ADAP1: variants seen among roughly 807,000 people sequenced by gnomAD.
The protein encoded by ADAP1 is ArfGAP with dual PH domains 1.
A neutral mutation model predicts 54.9 loss-of-function variants in ADAP1; 31 were observed. The ratio of observed to expected loss-of-function variants is 0.56; its 90% CI spans 0.42 to 0.76. ADAP1 has a LOEUF of 0.76. ADAP1 is among the 30% of genes least tolerant of loss of function. ADAP1 has a pLI of 0.00. For synonymous variants in ADAP1, 313 were observed against 202.6 expected (o/e 1.55, Z -4.63); for missense variants, 535 against 512.4 (o/e 1.04, Z -0.42).
rs138473076 is a variant in ADAP1, at chr7:906,537, A to G, written c.389-1365T>C. Among the ~76,000 whole-genome samples, 5 of 32,390 alleles carry G rather than the reference A, an allele frequency of 1.5e-4. 1 individual carries two copies. The highest frequency in any genetic ancestry group is 3.0e-4 in the Admixed American group (1 of 3,312). 21.2% of individuals were successfully genotyped at this position (32,390 alleles called of 152,430 possible). A position where few individuals can be genotyped will look rare whatever the true frequency, so the allele number is the denominator to read the frequency against. ...GAGAAAGGAGAAAGGGAAAGGAGAA[A>G]GGAGAAGGGAGAAAGGGAGAAAGGG... On this transcript the variant is annotated intron_variant, in intron 4 of 10. Transcript: ENST00000265846.
At chr7:924,669 G>A (rs1334604730) in intron 3 of ADAP1, among the ~76,000 whole-genome samples, 3 of 150,708 alleles carry the variant, frequency 2.0e-5, no homozygotes, top group Non-Finnish European at 3.0e-5. Flanking sequence ...GATAGTGGGT[G>A]TCAGCCCTGG....
At chr7:906,892 A>T (rs1845485194) in intron 4 of ADAP1, among the ~76,000 whole-genome samples, 1 of 151,664 alleles carries the variant, frequency 6.6e-6, no homozygotes, top group South Asian at 2.1e-4. Flanking sequence ...ACCCTGGCCC[A>T]AGCCAGCCTG....
At chr7:904,744 G>T (rs1845010935) in intron 5 of ADAP1, among the ~76,000 whole-genome samples, 1 of 152,244 alleles carries the variant, frequency 6.6e-6, no homozygotes. Flanking sequence ...GAAAACTAGG[G>T]GCTTTCTGGG....
In ADAP1 at chr7:926,647, G is replaced by GC; in HGVS notation, c.214-4dup. 1 of 1,541,602 alleles carries GC rather than the reference G, an allele frequency of 6.5e-7. No individual in the cohort carries two copies. The highest frequency in any genetic ancestry group is 2.5e-5 in the East Asian group (1 of 39,900). On this transcript the variant is annotated splice_polypyrimidine_tract_variant and splice_region_variant and intron_variant, in intron 2 of 10. Coordinates refer to ENST00000265846, the MANE Select transcript of ADAP1 (RefSeq NM_006869.4). The surrounding 1 kb of genome is among the most constrained non-coding windows in gnomAD (Gnocchi z 4.6). ...TCGTTCCCGTGGGAGGCCATGAACT[G>GC]CAAGAGAGGAGGGGCCGGGTCAGAG...
chr7:914,348 G>A (rs936903352), intron 4 of ADAP1, among the ~76,000 whole-genome samples: 7 of 152,226 alleles, frequency 4.6e-5, no homozygotes, highest in African/African-American at 7.2e-5. Flanking sequence ...GTGAGGTGTC[G>A]CCACTGCCGT....
chr7:929,514 C>CAAAAAA (rs71020548), intron 2 of ADAP1, among the ~76,000 whole-genome samples: 1 of 89,388 alleles, frequency 1.1e-5, no homozygotes, highest in African/African-American at 4.8e-5. Flanking sequence ...CACCCTGTCT[C>CAAAAAA]AAAAAAAAAA....
In ADAP1 at chr7:946,325, C is replaced by T. The variant is rs1847138083; in HGVS notation, c.82+8071G>A. On this transcript the variant is annotated intron_variant, in intron 1 of 10. Transcript: ENST00000265846. The surrounding 1 kb of genome is among the most constrained non-coding windows in gnomAD (Gnocchi z 4.3). ...TGGGTGGGCTGGCAGCCCACACCTC[C>T]TCTCTGCCCAGGCCCCAGGCCCCCA... Among the ~76,000 whole-genome samples, 1 of 152,130 alleles carries T rather than the reference C, an allele frequency of 6.6e-6. No individual in the cohort carries two copies.
chr7:913,966 G>A (rs1015342091), intron 4 of ADAP1, among the ~76,000 whole-genome samples: 3 of 152,190 alleles, frequency 2.0e-5, no homozygotes, highest in Admixed American at 6.5e-5. Flanking sequence ...AAAGCCCGGT[G>A]GTGATCCTTC....
At chr7:954,737 C>T (rs1583195411), upstream of ADAP1, 7 of 978,676 alleles carry the variant, frequency 7.2e-6, no homozygotes, top group Non-Finnish European at 8.5e-6. Context: ...CCGCGGGCGG[C>T]CCCCAGCGGT....
intron 3 of ADAP1, among the ~76,000 whole-genome samples, chr7:923,904 G>A (rs1160747003): frequency 6.6e-6 from 1 of 152,194 alleles, no homozygotes; most frequent in Non-Finnish European, 1.5e-5. Flanking sequence ...CTTGGTGGGG[G>A]CAGACGTGGG....
In ADAP1 at chr7:899,036, C is replaced by T. The variant is rs762149014; in HGVS notation, c.1093G>A (p.Ala365Thr). The stretch of plus-strand genomic sequence containing the variant: ...GCCGGCCGCCCGCCCCCCTCACCTG[C>T]GTACTCCTGGGGCAGCATGGGCCTG... ...VDRPMLPQEY[A>T]VEAHFKHKP Residue 365 changes from alanine (A) to threonine (T), a missense_variant, in exon 10 of 11, where the codon GCA (alanine) becomes ACA (threonine). Transcript: ENST00000265846. 5.6e-6 allele frequency: 9 copies of T among 1,609,504 alleles called. No homozygotes were observed. Among genetic ancestry groups the T allele is most frequent in the African/African-American group, 4.0e-5 (3 of 75,040 alleles).
chr7:934,643 G>A (rs927800832), intron 2 of ADAP1, among the ~76,000 whole-genome samples: 1 of 152,168 alleles, frequency 6.6e-6, no homozygotes, highest in African/African-American at 2.4e-5. Flanking sequence ...CCCCCAGCCG[G>A]GGTCTTGTTC....
chr7:931,021 G>C (rs1240784927), intron 2 of ADAP1, among the ~76,000 whole-genome samples: 1 of 150,620 alleles, frequency 6.6e-6, no homozygotes, highest in African/African-American at 2.4e-5. Context: ...AAGGAGGGTA[G>C]GGAGGGACGG....
intron 2 of ADAP1, among the ~76,000 whole-genome samples, chr7:927,914 T>C (rs1583170994): frequency 6.6e-6 from 1 of 151,962 alleles, no homozygotes; most frequent in African/African-American, 2.4e-5. Context: ...GTTCTAAAGT[T>C]GAAAAAATTA....
At chr7:901,096 C>T (rs772574769) in intron 6 of ADAP1, 7 of 462,736 alleles carry the variant, frequency 1.5e-5, no homozygotes, top group Admixed American at 7.1e-5. Context: ...TGGCCCCTAC[C>T]GAGAGTGGGC....
At position 920,834 on chromosome 7, in the gene ADAP1, G is replaced by A. The variant is rs1846166379; in HGVS notation, c.306-784C>T. The stretch of plus-strand genomic sequence containing the variant: ...AAACCACGACCCACACACAGGCCCG[G>A]CACGGCCCAGGTGCACAGGCAGCCG... On this transcript the variant is annotated intron_variant, in intron 3 of 10. Transcript: ENST00000265846. This position sits in a 1 kb window ranked among gnomAD's most constrained non-coding sequence, Gnocchi z 4.5. 1 of 1,549,976 alleles carries A rather than the reference G, an allele frequency of 6.5e-7. No homozygotes were observed. The highest frequency in any genetic ancestry group is 8.7e-7 in the Non-Finnish European group (1 of 1,146,890).
intron 4 of ADAP1, among the ~76,000 whole-genome samples, chr7:905,884 GA>G (rs1845247168): frequency 2.9e-4 from 4 of 13,700 alleles, no homozygotes; most frequent in African/African-American, 6.2e-4. Context: ...GGAGAAAGGA[GA>G]AAGGAGAAAG....
intron 4 of ADAP1, among the ~76,000 whole-genome samples, chr7:913,198 CT>C (rs10698107): frequency 0.33 from 34,530 of 103,100 alleles, 3,535 homozygotes; most frequent in Middle Eastern, 0.52. Context: ...CCTCCCCTTC[CT>C]TTTTTTTTTT....
At position 926,757 on chromosome 7, in the gene ADAP1, G is replaced by A; in HGVS notation, c.214-113C>T. 1 of 866,700 alleles carries A rather than the reference G, an allele frequency of 1.2e-6. No individual in the cohort carries two copies. The allele number at this position is 866,700 out of a possible 1,614,324, so 53.7% of individuals were successfully genotyped here. ...TGACCCGCAGACCCAAGGCTCTGAG[G>A]GCTCCACCAGCACCAGGACGGGAAC... On this transcript the variant is annotated intron_variant, in intron 2 of 10. Coordinates refer to ENST00000265846, the MANE Select transcript of ADAP1 (RefSeq NM_006869.4). The surrounding 1 kb of genome is among the most constrained non-coding windows in gnomAD (Gnocchi z 4.6).
Sources: gnomAD v4.1 joint callset for allele counts (sites outside exome capture counted in the v4.1 genomes callset) on GRCh38, gnomAD v4.1.1 for gene constraint, Gnocchi (gnomAD v3.1) non-coding constraint, MANE v1.5 for transcripts, NCBI Gene and HGNC (gene_info 2026-07-23, HGNC 2026-07-21) for gene names.